Variants in PITPNC1 observed in about 807,000 individuals in gnomAD.
The protein encoded by PITPNC1 is cytoplasmic phosphatidylinositol transfer protein 1.
Under a neutral mutation model 44.7 loss-of-function variants are expected in PITPNC1, and 18 were observed. The observed-to-expected ratio is 0.40, with a 90% confidence interval of 0.28 to 0.60. PITPNC1 has a LOEUF of 0.60. Among genes scored for constraint, PITPNC1 ranks in the 20% least tolerant of loss-of-function variants. PITPNC1 has a pLI of 0.39. For synonymous variants in PITPNC1, 141 were observed against 149.6 expected, an observed-to-expected ratio of 0.94 and a Z score of 0.42; for missense variants, 290 against 418.4, an observed-to-expected ratio of 0.69 and a Z score of 2.68.
chr17:67,391,180 A>G (rs1275455866), intron 1 of PITPNC1, among the ~76,000 whole-genome samples: 3 of 151,924 alleles, frequency 2.0e-5, no homozygotes, highest in Admixed American at 6.6e-5. Flanking sequence ...TAATTCCTTT[A>G]GCATCATATC....
intron 6 of PITPNC1, among the ~76,000 whole-genome samples, chr17:67,643,380 T>C (rs1481459955): frequency 1.3e-5 from 2 of 152,090 alleles, no homozygotes; most frequent in East Asian, 1.9e-4. Flanking sequence ...AGTGAGACTT[T>C]GTCTCAAAAA....
chr17:67,396,387 T>C (rs1476663107), intron 1 of PITPNC1, among the ~76,000 whole-genome samples: 1 of 152,244 alleles, frequency 6.6e-6, no homozygotes, highest in African/African-American at 2.4e-5. Context: ...TTTCTTTATT[T>C]TTGAGATGGA....
At chr17:67,569,154 A>G (rs1418331473) in intron 4 of PITPNC1, among the ~76,000 whole-genome samples, 1 of 151,990 alleles carries the variant, frequency 6.6e-6, no homozygotes, top group Non-Finnish European at 1.5e-5. Flanking sequence ...GAAATCCCCA[A>G]TGTGTCTGAC....
intron 5 of PITPNC1, among the ~76,000 whole-genome samples, chr17:67,599,035 T>TATATA (rs71139161): frequency 9.4e-4 from 27 of 28,856 alleles, no homozygotes; most frequent in East Asian, 1.1e-3. Context: ...TATATATATA[T>TATATA]TTTTTTTTTT....
chr17:67,515,480 T>A (rs993897616), intron 1 of PITPNC1, among the ~76,000 whole-genome samples: 2 of 152,350 alleles, frequency 1.3e-5, no homozygotes, highest in South Asian at 2.1e-4. Context: ...AGAAGTAGTA[T>A]ATATCACTTC....
chr17:67,515,452 C>T (rs1229251434), intron 1 of PITPNC1, among the ~76,000 whole-genome samples: 1 of 152,156 alleles, frequency 6.6e-6, no homozygotes, highest in Non-Finnish European at 1.5e-5. Flanking sequence ...GTACATTTCT[C>T]CTGGTAGAGT....
intron 1 of PITPNC1, among the ~76,000 whole-genome samples, chr17:67,495,069 T>TTTTTTTTTTTTTTTTG (rs2039931649): frequency 9.5e-6 from 1 of 105,584 alleles, no homozygotes; most frequent in Non-Finnish European, 1.9e-5. Flanking sequence ...TTTTTTTTTT[T>TTTTTTTTTTTTTTTTG]TTTTTGAGAC....
At chr17:67,456,286 G>A (rs1420605737) in intron 1 of PITPNC1, among the ~76,000 whole-genome samples, 3 of 151,980 alleles carry the variant, frequency 2.0e-5, no homozygotes, top group Non-Finnish European at 4.4e-5. Flanking sequence ...TTTAAGTTTT[G>A]TATGTTGTTG....
chr17:67,599,623 C>T (rs897361171), intron 5 of PITPNC1, among the ~76,000 whole-genome samples: 2 of 152,030 alleles, frequency 1.3e-5, no homozygotes, highest in Non-Finnish European at 2.9e-5. Flanking sequence ...AACAGAGTTC[C>T]GTGAACACAG....
chr17:67,481,810 A>G (rs904805091), intron 1 of PITPNC1, among the ~76,000 whole-genome samples: 3 of 151,634 alleles, frequency 2.0e-5, no homozygotes, highest in Non-Finnish European at 4.4e-5. Flanking sequence ...TAAAATGTGG[A>G]CACTGCCTTC....
rs555482448 is a variant in PITPNC1 at position 67,625,587 on chromosome 17, G to A, written c.367-6556G>A. On this transcript the variant is annotated intron_variant, in intron 5 of 8. Coordinates refer to ENST00000581322, the MANE Select transcript of PITPNC1 (RefSeq NM_012417.4). ...GCTCCTGCCCTGAACTGAGTGTGAC[G>A]ATAAGAACATTTCACCTTGTCCCTG... is the stretch of plus-strand genomic sequence containing the variant. 8.4e-4 allele frequency among the ~76,000 whole-genome samples: 128 copies of A among 152,194 alleles called. 1 individual carries two copies. The highest frequency in any genetic ancestry group is 3.4e-3 in the Middle Eastern group (1 of 294).
intron 1 of PITPNC1, among the ~76,000 whole-genome samples, chr17:67,430,706 C>A (rs1403191495): frequency 2.6e-5 from 4 of 151,846 alleles, no homozygotes; most frequent in Middle Eastern, 3.4e-3. Flanking sequence ...GTCGTCCCAG[C>A]TACTTGGGAG....
At chr17:67,502,330 C>G (rs2040042447) in intron 1 of PITPNC1, among the ~76,000 whole-genome samples, 1 of 151,238 alleles carries the variant, frequency 6.6e-6, no homozygotes, top group Non-Finnish European at 1.5e-5. Context: ...TCTCTAGATA[C>G]TCAGCAAAGC....
At chr17:67,608,671 T>G (rs907846241) in intron 5 of PITPNC1, among the ~76,000 whole-genome samples, 25 of 150,444 alleles carry the variant, frequency 1.7e-4, no homozygotes, top group Non-Finnish European at 2.2e-4. Flanking sequence ...TTCTAGTTTT[T>G]TTTTTTTTTT....
chr17:67,499,757 T>C (rs73349909), intron 1 of PITPNC1, among the ~76,000 whole-genome samples: 13,282 of 152,288 alleles, frequency 0.087, 585 homozygotes, highest in South Asian at 0.14. Context: ...CCTACAGCAT[T>C]CAGTACAATA....
intron 1 of PITPNC1, among the ~76,000 whole-genome samples, chr17:67,385,113 T>C (rs2038021770): frequency 6.6e-6 from 1 of 152,226 alleles, no homozygotes; most frequent in Non-Finnish European, 1.5e-5. Context: ...GTGAAGCCAG[T>C]TGGACTTCTT....
chr17:67,652,757 C>G (rs2144369834), intron 6 of PITPNC1, among the ~76,000 whole-genome samples: 1 of 152,326 alleles, frequency 6.6e-6, no homozygotes, highest in East Asian at 1.9e-4. Context: ...GGGTTCGGTG[C>G]TCCGTGACCA....
chr17:67,518,201 G>A (rs1209603642), intron 1 of PITPNC1, among the ~76,000 whole-genome samples: 1 of 152,162 alleles, frequency 6.6e-6, no homozygotes, highest in Non-Finnish European at 1.5e-5. Context: ...TAGAAGTGCT[G>A]TTTCAGGTCA....
At chr17:67,468,886 G>A (rs552031341) in intron 1 of PITPNC1, among the ~76,000 whole-genome samples, 3 of 147,008 alleles carry the variant, frequency 2.0e-5, no homozygotes, top group South Asian at 4.2e-4. Context: ...CCACCACCAC[G>A]CCTGGCTAAT....
Sources: gnomAD v4.1 joint callset for allele counts (sites outside exome capture counted in the v4.1 genomes callset) on GRCh38, gnomAD v4.1.1 for gene constraint, MANE v1.5 for transcripts, NCBI Gene and HGNC (gene_info 2026-07-23, HGNC 2026-07-21) for gene names.